The following RBM25 variants were observed in gnomAD, a reference collection of about 807,000 sequenced individuals.
RBM25 encodes the protein RNA binding motif protein 25, also known as RNA-binding protein 25.
A neutral mutation model predicts 120.7 loss-of-function variants in RBM25; 19 were observed. The ratio of observed to expected loss-of-function variants is 0.16; its 90% CI spans 0.11 to 0.23. The LOEUF (loss-of-function observed/expected upper bound fraction) is 0.23, where lower values mean the gene tolerates loss of function less well. Among genes scored for constraint, RBM25 ranks in the 10% least tolerant of loss-of-function variants. The pLI is 1.00. For synonymous variants in RBM25, 390 were observed against 326.7 expected (o/e 1.19, Z -2.09); for missense variants, 605 against 1,041.5 (o/e 0.58, Z 5.77).
chr14:73,087,200 G>C (rs1316257266), intron 5 of RBM25, among the ~76,000 whole-genome samples: 1 of 152,022 alleles, frequency 6.6e-6, no homozygotes, highest in Non-Finnish European at 1.5e-5. Context: ...TTCTGTTAAA[G>C]TCATCTTAAT....
At chr14:73,108,190 A>T (rs1896229785) in intron 13 of RBM25, among the ~76,000 whole-genome samples, 1 of 152,128 alleles carries the variant, frequency 6.6e-6, no homozygotes, top group Non-Finnish European at 1.5e-5. Flanking sequence ...TGATTTTTAA[A>T]ATTTTTTCTT....
chr14:73,062,047 A>G (rs1895017112), intron 1 of RBM25, among the ~76,000 whole-genome samples: 2 of 151,356 alleles, frequency 1.3e-5, no homozygotes, highest in African/African-American at 4.8e-5. Context: ...ACTTAGCATG[A>G]ACACCTGATC....
At chr14:73,093,285 A>AT (rs1180381761) in intron 6 of RBM25, among the ~76,000 whole-genome samples, 14 of 152,304 alleles carry the variant, frequency 9.2e-5, no homozygotes, top group Non-Finnish European at 1.5e-4. Context: ...ATTTCCTTAA[A>AT]TTTTTTAAAA....
intron 6 of RBM25, among the ~76,000 whole-genome samples, chr14:73,091,733 C>A (rs1309813476): frequency 1.3e-5 from 2 of 151,804 alleles, no homozygotes; most frequent in Non-Finnish European, 2.9e-5. Flanking sequence ...AAAAATTAGC[C>A]GGATGTGGTG....
rs546920864 is a variant in RBM25 at position 73,068,131 on chromosome 14, GTTGGTCCTAGATGGCTGC to G, written c.-15-3487_-15-3470del. Reference sequence around the variant, plus strand: ...CCTCGTTCACAGACAGAACTGGAAGGTTGGTCCTAGATGGCTGCTTGGTCCTGGATGCTTTAGTGGTCT... The same window carrying G: ...CCTCGTTCACAGACAGAACTGGAAGGTTGGTCCTGGATGCTTTAGTGGTCT... On this transcript the variant is annotated intron_variant, in intron 1 of 18. Coordinates refer to ENST00000261973, the MANE Select transcript of RBM25 (RefSeq NM_021239.3). 1.5e-4 allele frequency: 120 copies of G among 778,734 alleles called. 2 individuals are homozygous for G. Among genetic ancestry groups the G allele is most frequent in the South Asian group, 1.5e-3 (104 of 71,376 alleles). The allele number at this position is 778,734 out of a possible 1,614,324, so 48.2% of individuals were successfully genotyped here.
chr14:73,063,530 G>A (rs1477801837), intron 1 of RBM25, among the ~76,000 whole-genome samples: 1 of 151,300 alleles, frequency 6.6e-6, no homozygotes, highest in Non-Finnish European at 1.5e-5. Context: ...AAATGCTATG[G>A]AAATGATTTC....
At chr14:73,083,784 TC>T (rs1245397972) in intron 5 of RBM25, among the ~76,000 whole-genome samples, 1 of 152,200 alleles carries the variant, frequency 6.6e-6, no homozygotes, top group Admixed American at 6.5e-5. Context: ...TTAAAATTGC[TC>T]AATTTAACTG....
chr14:73,082,845 A>G (rs967410103), intron 4 of RBM25, among the ~76,000 whole-genome samples: 1 of 151,746 alleles, frequency 6.6e-6, no homozygotes, highest in African/African-American at 2.4e-5. Context: ...GCAGATCACG[A>G]GGTCAGGAGT....
In RBM25 at chr14:73,111,513, G is replaced by C; in HGVS notation, c.2018-15G>C. 1 of 1,573,934 alleles carries C rather than the reference G, an allele frequency of 6.4e-7. No homozygotes were observed. Among genetic ancestry groups the C allele is most frequent in the Middle Eastern group, 1.7e-4 (1 of 5,864 alleles). On this transcript the variant is annotated splice_polypyrimidine_tract_variant and intron_variant, in intron 15 of 18. Coordinates refer to ENST00000261973, the MANE Select transcript of RBM25 (RefSeq NM_021239.3). ...GAAATTAAGTCATCTTGCTAAGAGA[G>C]TGTTTTTACTGTAGGTGCTTCCAAT...
chr14:73,089,268 C>T (rs768296109), intron 6 of RBM25, among the ~76,000 whole-genome samples: 35 of 152,038 alleles, frequency 2.3e-4, no homozygotes, highest in Non-Finnish European at 4.4e-4. Flanking sequence ...AATTAAATAC[C>T]ACCTGTAATC....
chr14:73,071,891 T>C, intron 2 of RBM25, 144 bp downstream of exon 2: 1 of 634,820 alleles, frequency 1.6e-6, no homozygotes. Flanking sequence ...CTCTTTTTCC[T>C]ATAGCAGTAG....
intron 13 of RBM25, among the ~76,000 whole-genome samples, 158 bp downstream of exon 13, chr14:73,108,057 T>C (rs777724350): frequency 2.6e-5 from 4 of 152,222 alleles, no homozygotes; most frequent in Admixed American, 6.5e-5. Context: ...ACTGTTTTCG[T>C]TGGGAGAAAA....
intron 4 of RBM25, among the ~76,000 whole-genome samples, chr14:73,078,884 G>A (rs1347166701): frequency 6.6e-6 from 1 of 152,138 alleles, no homozygotes; most frequent in Non-Finnish European, 1.5e-5. Flanking sequence ...GATTACACGC[G>A]TGGGCCACCA....
At chr14:73,068,389 T>TC in intron 1 of RBM25, 1 of 387,584 alleles carries the variant, frequency 2.6e-6, no homozygotes, top group Admixed American at 3.4e-5. Flanking sequence ...TGTATTTGAT[T>TC]TTTTTTTTTT....
At chr14:73,080,222 T>TTTTC in intron 4 of RBM25, among the ~76,000 whole-genome samples, 1 of 121,868 alleles carries the variant, frequency 8.2e-6, no homozygotes, top group Non-Finnish European at 1.8e-5. Context: ...TCTTTTTTTT[T>TTTTC]TTTTTTTTTT....
At position 73,068,967 on chromosome 14, in the gene RBM25, G is replaced by A. The variant is rs567923704; in HGVS notation, c.-15-2660G>A. Among the ~76,000 whole-genome samples, 38 of 152,036 alleles carry A rather than the reference G, an allele frequency of 2.5e-4. No homozygotes were observed. In the South Asian group the frequency reaches 4.2e-3, roughly 17 times the overall value. On this transcript the variant is annotated intron_variant, in intron 1 of 18. Coordinates refer to ENST00000261973, the MANE Select transcript of RBM25 (RefSeq NM_021239.3). ...CACCCAGGCTGGAGTGTAGTGGCAC[G>A]ATCTCAGCTCAGTGCAAACTCCGCA...
At chr14:73,069,462 G>C (rs1258828586) in intron 1 of RBM25, among the ~76,000 whole-genome samples, 2 of 151,706 alleles carry the variant, frequency 1.3e-5, no homozygotes, top group Admixed American at 1.3e-4. Context: ...TTTGTTTTTT[G>C]AGATGGAATT....
chr14:73,117,205 C>CTTTTATTTTT (rs1896448964), intron 18 of RBM25, among the ~76,000 whole-genome samples: 6 of 36,558 alleles, frequency 1.6e-4, no homozygotes, highest in African/African-American at 6.2e-4. Context: ...TTTCTTTCTT[C>CTTTTATTTTT]TTTTCTTTTT....
At chr14:73,069,779 A>AAAAAAAT (rs1895234317) in intron 1 of RBM25, 1 of 125,248 alleles carries the variant, frequency 8.0e-6, no homozygotes, top group African/African-American at 2.9e-5. Context: ...AAAAAAAAAA[A>AAAAAAAT]GTGTGTTGCT....
Sources: allele counts gnomAD v4.1 joint callset (sites outside exome capture counted in the v4.1 genomes callset), GRCh38; gene constraint gnomAD v4.1.1; transcripts MANE v1.5; gene names NCBI Gene and HGNC (gene_info 2026-07-23, HGNC 2026-07-21).